The following DPP6 variants were observed in gnomAD, a reference collection of about 807,000 sequenced individuals.
DPP6 encodes the protein dipeptidyl peptidase like 6, also known as A-type potassium channel modulatory protein DPP6.
DPP6 carries 69 observed loss-of-function variants against 122.6 expected under a neutral mutation model. The observed-to-expected ratio is 0.56, with a 90% CI of 0.46 to 0.69. The LOEUF (loss-of-function observed/expected upper bound fraction) is 0.69. DPP6 is among the 30% of genes least tolerant of loss of function. DPP6 has a pLI of 0.00. For missense variants in DPP6, 928 were observed against 1,116.9 expected, an observed-to-expected ratio of 0.83 and a Z score of 2.41; for synonymous variants, 418 against 433.1, an observed-to-expected ratio of 0.97 and a Z score of 0.43.
At chr7:154,329,528 G>A (rs1209059819) in intron 1 of DPP6, among the ~76,000 whole-genome samples, 2 of 152,190 alleles carry the variant, frequency 1.3e-5, no homozygotes, top group Non-Finnish European at 2.9e-5. Context: ...AAAAAGTCAG[G>A]ACACAACAGA....
At chr7:153,895,337 T>C (rs1405112030) in intron 1 of DPP6, among the ~76,000 whole-genome samples, 2 of 152,204 alleles carry the variant, frequency 1.3e-5, no homozygotes, top group African/African-American at 4.8e-5. Flanking sequence ...GGCAGCTCCC[T>C]GGACTGCTGT....
At chr7:153,976,625 T>A (rs1406240635) in intron 1 of DPP6, among the ~76,000 whole-genome samples, 2 of 152,218 alleles carry the variant, frequency 1.3e-5, no homozygotes, top group Non-Finnish European at 2.9e-5. Flanking sequence ...AAAGATCTGA[T>A]GTTGAATCAG....
At position 154,697,143 on chromosome 7, in the gene DPP6, G is replaced by A. The variant is rs57260550; in HGVS notation, c.762+27702G>A. Reference sequence around the variant, plus strand: ...CAGGTGCTGTTTGTAGGTCACACAGGGGCACAGTATTGATGGGAAAGTCAG... The same window carrying A: ...CAGGTGCTGTTTGTAGGTCACACAGAGGCACAGTATTGATGGGAAAGTCAG... On this transcript the variant is annotated intron_variant, in intron 7 of 25. Coordinates refer to ENST00000377770, the MANE Select transcript of DPP6 (RefSeq NM_130797.4). 7.9e-3 allele frequency among the ~76,000 whole-genome samples: 1,201 copies of A among 152,248 alleles called. 17 individuals carry two copies. The highest frequency in any genetic ancestry group is 0.028 in the African/African-American group (1,144 of 41,538).
At chr7:154,309,986 G>T (rs191519023) in intron 1 of DPP6, among the ~76,000 whole-genome samples, 1 of 152,340 alleles carries the variant, frequency 6.6e-6, no homozygotes, top group East Asian at 1.9e-4. Flanking sequence ...AGGGACACCA[G>T]GTTCTTAGGA....
At chr7:154,724,272 A>G (rs1586960976) in intron 7 of DPP6, among the ~76,000 whole-genome samples, 1 of 152,130 alleles carries the variant, frequency 6.6e-6, no homozygotes, top group East Asian at 1.9e-4. Flanking sequence ...GGTCAGAATT[A>G]TAATATCTTC....
At chr7:154,531,740 G>A (rs1827853485) in intron 3 of DPP6, among the ~76,000 whole-genome samples, 1 of 152,076 alleles carries the variant, frequency 6.6e-6, no homozygotes, top group Non-Finnish European at 1.5e-5. Flanking sequence ...TTATGTTGAT[G>A]TAATACACAT....
chr7:154,616,605 A>G (rs1834276778), intron 5 of DPP6, among the ~76,000 whole-genome samples: 1 of 152,208 alleles, frequency 6.6e-6, no homozygotes, highest in African/African-American at 2.4e-5. Flanking sequence ...CGAATCCCCA[A>G]GGGGGTCACC....
intron 8 of DPP6, among the ~76,000 whole-genome samples, chr7:154,741,363 G>A (rs1488555164): frequency 6.6e-6 from 1 of 152,240 alleles, no homozygotes; most frequent in African/African-American, 2.4e-5. Flanking sequence ...TGGCCACTCA[G>A]GCCTACGATT....
chr7:154,014,661 CA>C (rs1036769364), intron 1 of DPP6, among the ~76,000 whole-genome samples: 38 of 146,830 alleles, frequency 2.6e-4, no homozygotes, highest in African/African-American at 9.3e-4. Flanking sequence ...GACTCTGTGT[CA>C]AAAAAAAAGA....
intron 3 of DPP6, among the ~76,000 whole-genome samples, chr7:154,487,602 T>C (rs1345888048): frequency 1.3e-5 from 2 of 152,196 alleles, no homozygotes; most frequent in Non-Finnish European, 2.9e-5. Context: ...GCACTGTAGC[T>C]GTTTGGCCCA....
At chr7:154,680,366 C>T (rs1839204134) in intron 7 of DPP6, among the ~76,000 whole-genome samples, 2 of 152,308 alleles carry the variant, frequency 1.3e-5, no homozygotes, top group South Asian at 2.1e-4. Context: ...ACATTCATAA[C>T]ACTGTTATCC....
chr7:154,501,228 A>C (rs1372045199), intron 3 of DPP6, among the ~76,000 whole-genome samples: 2 of 149,504 alleles, frequency 1.3e-5, no homozygotes, highest in Admixed American at 6.8e-5. Context: ...AGTTTGGACA[A>C]TTTGCAGTCT....
intron 1 of DPP6, among the ~76,000 whole-genome samples, chr7:153,910,666 C>G (rs1800050493): frequency 2.0e-5 from 3 of 152,274 alleles, no homozygotes; most frequent in Non-Finnish European, 4.4e-5. Flanking sequence ...TAAAAACCAG[C>G]AGAGCCAAAA....
rs571013613 is a variant in DPP6 at position 154,701,963 on chromosome 7, C to A, written c.763-25804C>A. 2.6e-5 allele frequency among the ~76,000 whole-genome samples: 4 copies of A among 152,328 alleles called. No individual in the cohort carries two copies. In the East Asian group the frequency reaches 7.7e-4, roughly 29 times the overall value. ...TTTACAAATTGAAGGTTTGTAGCAA[C>A]CCTGCTTTGAGCAGGTCTGTTGGGA... On this transcript the variant is annotated intron_variant, in intron 7 of 25. Transcript: ENST00000377770.
At chr7:154,769,300 G>T in intron 8 of DPP6, 117 bp from the exon 9 acceptor site, 1 of 1,347,114 alleles carries the variant, frequency 7.4e-7, no homozygotes, top group Non-Finnish European at 1.0e-6. Flanking sequence ...GGTTGTAGCA[G>T]ATAAGGGGCT....
intron 1 of DPP6, among the ~76,000 whole-genome samples, chr7:154,332,396 T>C (rs1024048502): frequency 6.6e-6 from 1 of 152,200 alleles, no homozygotes; most frequent in African/African-American, 2.4e-5. Flanking sequence ...TTAATGTGCA[T>C]GGAAATTACT....
chr7:154,560,170 C>T (rs1830329634), intron 4 of DPP6, among the ~76,000 whole-genome samples: 1 of 151,798 alleles, frequency 6.6e-6, no homozygotes, highest in Non-Finnish European at 1.5e-5. Flanking sequence ...AACATATGGC[C>T]AGGTTTTGGG....
At chr7:154,477,577 A>T (rs759625264) in intron 3 of DPP6, among the ~76,000 whole-genome samples, 56 of 151,618 alleles carry the variant, frequency 3.7e-4, no homozygotes, top group Non-Finnish European at 7.1e-4. Context: ...AAGAGCACAG[A>T]TGTTTCTGGA....
At chr7:154,745,476 TCCCATCTC>T (rs1398803566) in intron 8 of DPP6, among the ~76,000 whole-genome samples, 1 of 152,218 alleles carries the variant, frequency 6.6e-6, no homozygotes, top group East Asian at 1.9e-4. Context: ...CACCCGGCCT[TCCCATCTC>T]ATTAGAGGCT....
Sources: gnomAD v4.1 joint callset for allele counts (sites outside exome capture counted in the v4.1 genomes callset) on GRCh38, gnomAD v4.1.1 for gene constraint, MANE v1.5 for transcripts, NCBI Gene and HGNC (gene_info 2026-07-23, HGNC 2026-07-21) for gene names.